PTTG1IP2: variants seen among roughly 807,000 people sequenced by gnomAD.
PTTG1IP2 encodes PTTG1IP family member 2.
In PTTG1IP2 at chr7:90,487,070, TG is replaced by T. The variant is rs1797882796; in HGVS notation, c.193-254del. Among the ~76,000 whole-genome samples the T allele has an allele frequency of 2.6e-5, 4 of 152,276 alleles. No homozygotes were observed. In the South Asian group the frequency reaches 8.3e-4, roughly 32 times the overall value. ...CTGGCCTGGAGAAATAGTAACCTTG[TG>T]GGCTAGGTGGTCCCTATCGTCGTCC... On this transcript the variant is annotated intron_variant, in intron 2 of 6. Transcript: ENST00000509356.
intron 6 of PTTG1IP2, among the ~76,000 whole-genome samples, chr7:90,503,848 A>T (rs955037432): frequency 1.3e-5 from 2 of 152,232 alleles, no homozygotes; most frequent in Non-Finnish European, 2.9e-5. Flanking sequence ...TGTGATAGAG[A>T]CACAGAGTGA....
At chr7:90,495,228 T>G (rs1797980327) in intron 6 of PTTG1IP2, among the ~76,000 whole-genome samples, 1 of 152,210 alleles carries the variant, frequency 6.6e-6, no homozygotes, top group African/African-American at 2.4e-5. Flanking sequence ...GAGGACAAAA[T>G]GAGATTTTAC....
intron 4 of PTTG1IP2, among the ~76,000 whole-genome samples, chr7:90,490,434 GA>G (rs74273143): frequency 0.08 from 10,256 of 128,964 alleles, 579 homozygotes; most frequent in East Asian, 0.18. Context: ...AGTGCTTGCA[GA>G]AAAAAAAAAA....
intron 6 of PTTG1IP2, among the ~76,000 whole-genome samples, chr7:90,502,663 C>T (rs17865854): frequency 0.048 from 7,306 of 152,236 alleles, 441 homozygotes; most frequent in East Asian, 0.16. Context: ...AGTGACCAGG[C>T]GCATTGTCAA....
chr7:90,476,248 T>C (rs1186970597), intron 1 of PTTG1IP2, among the ~76,000 whole-genome samples: 1 of 152,166 alleles, frequency 6.6e-6, no homozygotes, highest in Non-Finnish European at 1.5e-5. Context: ...TCAACAGCAA[T>C]TTAAATATGT....
intron 4 of PTTG1IP2, among the ~76,000 whole-genome samples, chr7:90,489,692 G>A (rs1045234664): frequency 2.0e-5 from 3 of 151,686 alleles, no homozygotes; most frequent in African/African-American, 4.8e-5. Flanking sequence ...CTACTAAAAA[G>A]GATAACATAT....
chr7:90,510,476 C>A (rs10262975), intron 6 of PTTG1IP2, among the ~76,000 whole-genome samples: 2,618 of 152,218 alleles, frequency 0.017, 76 homozygotes, highest in African/African-American at 0.058. Context: ...TTTAACTCAG[C>A]CCTTTCCTAA....
chr7:90,482,386 G>A (rs904108391), intron 2 of PTTG1IP2, among the ~76,000 whole-genome samples: 3 of 151,908 alleles, frequency 2.0e-5, no homozygotes, highest in African/African-American at 7.3e-5. Flanking sequence ...TTAACTGTAA[G>A]GGAATCTTCC....
At chr7:90,472,538 T>C (rs1243690961) in intron 1 of PTTG1IP2, among the ~76,000 whole-genome samples, 2 of 152,212 alleles carry the variant, frequency 1.3e-5, no homozygotes, top group African/African-American at 4.8e-5. Flanking sequence ...CCGAGTTTTC[T>C]CTCTTCATTT....
chr7:90,481,704 A>T (rs1797817438), intron 2 of PTTG1IP2, among the ~76,000 whole-genome samples: 1 of 152,136 alleles, frequency 6.6e-6, no homozygotes, highest in Non-Finnish European at 1.5e-5. Flanking sequence ...TTGGACTTGA[A>T]CATGTACATT....
chr7:90,480,283 C>G (rs557758012), intron 2 of PTTG1IP2, among the ~76,000 whole-genome samples: 19 of 152,186 alleles, frequency 1.2e-4, no homozygotes, highest in Non-Finnish European at 2.6e-4. Context: ...ATCCTCCAGT[C>G]CTTTAACACT....
chr7:90,482,678 G>A (rs1045376397), intron 2 of PTTG1IP2, among the ~76,000 whole-genome samples: 2 of 152,026 alleles, frequency 1.3e-5, no homozygotes, highest in Middle Eastern at 3.2e-3. Context: ...TGAATCCTTG[G>A]AACGAAAGTT....
intron 2 of PTTG1IP2, among the ~76,000 whole-genome samples, chr7:90,480,470 C>T (rs1371951096): frequency 6.6e-6 from 1 of 151,888 alleles, no homozygotes; most frequent in African/African-American, 2.4e-5. Flanking sequence ...CTTTATACCC[C>T]GAAGAGCCAT....
intron 5 of PTTG1IP2, among the ~76,000 whole-genome samples, chr7:90,493,061 CA>C (rs1797956766): frequency 6.6e-6 from 1 of 152,004 alleles, no homozygotes; most frequent in East Asian, 1.9e-4. Flanking sequence ...AATTGGACCA[CA>C]AAAAAATTTT....
intron 6 of PTTG1IP2, among the ~76,000 whole-genome samples, chr7:90,508,171 G>A (rs1798145368): frequency 6.6e-6 from 1 of 151,440 alleles, no homozygotes; most frequent in Non-Finnish European, 1.5e-5. Flanking sequence ...GGGGGCTGAG[G>A]TGCAACGATT....
chr7:90,501,861 A>G (rs1218688911), intron 6 of PTTG1IP2, among the ~76,000 whole-genome samples: 1 of 152,192 alleles, frequency 6.6e-6, no homozygotes, highest in African/African-American at 2.4e-5. Flanking sequence ...TCCTTTCATT[A>G]AAGATTTCTT....
At chr7:90,513,134 G>C (rs1027217755) in intron 6 of PTTG1IP2, 144 bp from the exon 7 acceptor site, 1 of 152,620 alleles carries the variant, frequency 6.6e-6, no homozygotes, top group African/African-American at 2.4e-5. Context: ...GCTTTTCAAG[G>C]GATGAATCAG....
intron 2 of PTTG1IP2, among the ~76,000 whole-genome samples, chr7:90,484,805 A>G (rs192619838): frequency 7.2e-5 from 11 of 152,264 alleles, no homozygotes; most frequent in Admixed American, 5.9e-4. Flanking sequence ...GAACCAAAGG[A>G]TGTCTTTCTC....
At chr7:90,496,319 T>C (rs1332684166) in intron 6 of PTTG1IP2, among the ~76,000 whole-genome samples, 1 of 152,228 alleles carries the variant, frequency 6.6e-6, no homozygotes, top group Non-Finnish European at 1.5e-5. Flanking sequence ...TTCAATCTTG[T>C]TACTCATTAT....
Sources: allele counts gnomAD v4.1 joint callset (sites outside exome capture counted in the v4.1 genomes callset), GRCh38; gene constraint gnomAD v4.1.1; transcripts MANE v1.5; gene names NCBI Gene and HGNC (gene_info 2026-07-23, HGNC 2026-07-21).